The following GALNT15 variants were observed in gnomAD, a reference collection of about 807,000 sequenced individuals.
The protein encoded by GALNT15 is UDP-GalNAc transferase T15.
A neutral mutation model predicts 66.8 loss-of-function variants in GALNT15; 67 were observed. The observed-to-expected ratio is 1.00, with a 90% CI of 0.82 to 1.23. The LOEUF (loss-of-function observed/expected upper bound fraction) is 1.23. GALNT15 is among the 50% of genes most tolerant of loss of function. The pLI, the probability that GALNT15 is intolerant of heterozygous loss-of-function variation, is 0.00. For synonymous variants in GALNT15, 313 were observed against 311.5 expected, an observed-to-expected ratio of 1.00 and a Z score of -0.05; for missense variants, 827 against 804.3, an observed-to-expected ratio of 1.03 and a Z score of -0.34.
In GALNT15 at chr3:16,227,311, G is replaced by A. The variant is rs778805481; in HGVS notation, c.1774-43G>A. 6.9e-6 allele frequency: 11 copies of A among 1,590,268 alleles called. No individual in the cohort carries two copies. Among genetic ancestry groups the A allele is most frequent in the Admixed American group, 5.4e-5 (3 of 55,058 alleles). ...AAATATTTTCTTTTGCTGACTGATT[G>A]TGGGGGACTGGTTTTCTTTTCTTTT... On this transcript the variant is annotated intron_variant, in intron 9 of 9. Transcript: ENST00000339732. The surrounding 1 kb of genome is among the most constrained non-coding windows in gnomAD (Gnocchi z 4.5).
Position 16,195,917 on chromosome 3 carries a change from A to C in GALNT15, c.697A>C (p.Ser233Arg). The C allele has an allele frequency of 6.2e-7, 1 of 1,614,076 alleles. No individual in the cohort carries two copies. The highest frequency in any genetic ancestry group is 8.5e-7 in the Non-Finnish European group (1 of 1,179,982). The change falls in exon 2 of 10, where the codon AGC becomes CGC. Residue 233 changes from serine (S) to arginine (R), a missense_variant. Physicochemically the swap from Ser to Arg is moderately radical, Grantham distance 110. Transcript: ENST00000339732. This position sits in a 1 kb window ranked among gnomAD's most constrained non-coding sequence, Gnocchi z 4.6. Reference sequence around the variant, plus strand: ...GGAGATCATCCTCGTGGACGACCTCAGCCAGCAAGGTAGCCACGGCTTTCC... The same window carrying C: ...GGAGATCATCCTCGTGGACGACCTCCGCCAGCAAGGTAGCCACGGCTTTCC... Reference protein sequence around the residue: ...LKEIILVDDLSQQGQLKSALS... With the variant: ...LKEIILVDDLRQQGQLKSALS...
chr3:16,223,746 G>A (rs1162566537), intron 9 of GALNT15, among the ~76,000 whole-genome samples: 1 of 148,350 alleles, frequency 6.7e-6, no homozygotes, highest in Non-Finnish European at 1.5e-5. Context: ...AGGTTGGAGT[G>A]CAGTGGTGCG....
intron 3 of GALNT15, among the ~76,000 whole-genome samples, chr3:16,202,100 T>G (rs1404651121): frequency 6.6e-6 from 1 of 152,254 alleles, no homozygotes; most frequent in Non-Finnish European, 1.5e-5. Flanking sequence ...GAATGAATCC[T>G]GGAGACATAG....
rs2063386780 is a variant in GALNT15 at position 16,174,750 on chromosome 3, C to G, written c.-402C>G. On this transcript the variant is annotated 5_prime_UTR_variant, in exon 1 of 10. Coordinates refer to ENST00000339732, the MANE Select transcript of GALNT15 (RefSeq NM_054110.5). The surrounding 1 kb of genome is among the most constrained non-coding windows in gnomAD (Gnocchi z 4.7). The stretch of plus-strand genomic sequence containing the variant: ...CTGTCAGCCCTGCTTGACTGAGAAC[C>G]CACCAGCTCATCCCAGACACCTCAT... 1 of 193,950 alleles carries G rather than the reference C, an allele frequency of 5.2e-6. No individual in the cohort carries two copies. The highest frequency in any genetic ancestry group is 5.4e-5 in the Admixed American group (1 of 18,614). The allele number at this position is 193,950 out of a possible 1,614,324, so 12.0% of individuals were successfully genotyped here.
chr3:16,222,451 CA>C (rs2063952941), intron 8 of GALNT15, among the ~76,000 whole-genome samples, 163 bp from the exon 9 acceptor site: 1 of 152,228 alleles, frequency 6.6e-6, no homozygotes, highest in African/African-American at 2.4e-5. Flanking sequence ...ACTAGTCTAG[CA>C]GCATGTTTTT....
At chr3:16,214,375 C>T (rs1384186236) in intron 6 of GALNT15, among the ~76,000 whole-genome samples, 5 of 152,186 alleles carry the variant, frequency 3.3e-5, no homozygotes, top group Admixed American at 1.3e-4. Context: ...GTTATATGAT[C>T]CGAAAGTTAC....
At chr3:16,223,934 T>G (rs546544213) in intron 9 of GALNT15, among the ~76,000 whole-genome samples, 1 of 152,244 alleles carries the variant, frequency 6.6e-6, no homozygotes, top group East Asian at 1.9e-4. Flanking sequence ...CCTCGGGTGA[T>G]CCACCCACTC....
intron 8 of GALNT15, among the ~76,000 whole-genome samples, chr3:16,222,189 T>C (rs1400507598): frequency 6.6e-6 from 1 of 152,268 alleles, no homozygotes; most frequent in East Asian, 1.9e-4. Context: ...ACAATAACCA[T>C]GAGTGAGAGC....
chr3:16,239,273 G>A, the GALNT15 span, among the ~76,000 whole-genome samples: 3 of 152,182 alleles, frequency 2.0e-5, no homozygotes, highest in Admixed American at 2.0e-4. This position sits in a 1 kb window ranked among gnomAD's most constrained non-coding sequence, Gnocchi z 5.2. Context: ...AGCAAAGGCT[G>A]GGCACATTGC....
At chr3:16,222,837 T>G in intron 9 of GALNT15, 79 bp downstream of exon 9, 24 of 1,512,166 alleles carry the variant, frequency 1.6e-5, no homozygotes, top group African/African-American at 2.7e-5. Context: ...TCCTGGGCTC[T>G]TCCAAGAGGT....
the GALNT15 span, among the ~76,000 whole-genome samples, chr3:16,246,712 T>G: frequency 6.6e-6 from 1 of 152,162 alleles, no homozygotes; most frequent in Non-Finnish European, 1.5e-5. Context: ...AATAATAGAT[T>G]CTGCATATAT....
intron 6 of GALNT15, among the ~76,000 whole-genome samples, chr3:16,217,915 A>G (rs2124895815): frequency 6.6e-6 from 1 of 152,354 alleles, no homozygotes; most frequent in South Asian, 2.1e-4. Context: ...GGAAAAAGTA[A>G]TAGATCCCCT....
At chr3:16,218,557 G>T (rs140873315) in intron 6 of GALNT15, among the ~76,000 whole-genome samples, 325 of 152,236 alleles carry the variant, frequency 2.1e-3, no homozygotes, top group African/African-American at 7.6e-3. Context: ...CTCAAAAAAA[G>T]GAGATAGTGT....
chr3:16,192,644 A>G (rs2657596), intron 1 of GALNT15, among the ~76,000 whole-genome samples: 15,808 of 152,278 alleles, frequency 0.1, 1,160 homozygotes, highest in Non-Finnish European at 0.16. Context: ...AGGGCAGAGC[A>G]GAAATTCTCA....
At position 16,176,683 on chromosome 3, in the gene GALNT15, A is replaced by C. The variant is rs1003413399; in HGVS notation, c.539+993A>C. ...CATCCAGGGAGCAAGGCAGCTTGTT[A>C]GTTTTAGTTTGGTGATTTAGGTCCC... On this transcript the variant is annotated intron_variant, in intron 1 of 9. Transcript: ENST00000339732. The surrounding 1 kb of genome is among the most constrained non-coding windows in gnomAD (Gnocchi z 5.6). Among the ~76,000 whole-genome samples the C allele has an allele frequency of 2.0e-5, 3 of 152,174 alleles. No individual in the cohort carries two copies. The highest frequency in any genetic ancestry group is 7.2e-5 in the African/African-American group (3 of 41,426).
chr3:16,178,438 G>A (rs1396746688), intron 1 of GALNT15, among the ~76,000 whole-genome samples: 1 of 152,156 alleles, frequency 6.6e-6, no homozygotes, highest in East Asian at 1.9e-4. Flanking sequence ...GAAGGGAGAC[G>A]ATTGGATTCT....
In GALNT15 at chr3:16,188,302, G is replaced by A. The variant is rs1233562400; in HGVS notation, c.540-7458G>A. On this transcript the variant is annotated intron_variant, in intron 1 of 9. Transcript: ENST00000339732. This position sits in a 1 kb window ranked among gnomAD's most constrained non-coding sequence, Gnocchi z 4.6. The stretch of plus-strand genomic sequence containing the variant: ...GGAACTCAGTTGGCACAAAATGGCA[G>A]CCATAGGTCGTGTCCCATCACAGAC... Among the ~76,000 whole-genome samples, 1 of 152,272 alleles carries A rather than the reference G, an allele frequency of 6.6e-6. No homozygotes were observed. The highest frequency in any genetic ancestry group is 1.5e-5 in the Non-Finnish European group (1 of 68,054).
In GALNT15 at chr3:16,182,478, T is replaced by A. The variant is rs142567269; in HGVS notation, c.539+6788T>A. ...GCTCAAGTCACTTAAGGTGATGGAGTTACTGCAAGTTTACACAGGAAGTAA... is the reference window on the plus strand; with the variant it reads ...GCTCAAGTCACTTAAGGTGATGGAGATACTGCAAGTTTACACAGGAAGTAA... On this transcript the variant is annotated intron_variant, in intron 1 of 9. Transcript: ENST00000339732. This position sits in a 1 kb window ranked among gnomAD's most constrained non-coding sequence, Gnocchi z 6.1. 2.0e-3 allele frequency among the ~76,000 whole-genome samples: 306 copies of A among 152,202 alleles called. 1 individual carries two copies. The highest frequency in any genetic ancestry group is 6.9e-3 in the African/African-American group (286 of 41,516).
At chr3:16,221,109 T>A (rs2063937576) in intron 8 of GALNT15, among the ~76,000 whole-genome samples, 1 of 152,060 alleles carries the variant, frequency 6.6e-6, no homozygotes, top group Non-Finnish European at 1.5e-5. Flanking sequence ...CTTCTTTAAA[T>A]CCTGGTTTCC....
Sources: allele counts gnomAD v4.1 joint callset (sites outside exome capture counted in the v4.1 genomes callset), GRCh38; gene constraint gnomAD v4.1.1; non-coding constraint Gnocchi (gnomAD v3.1); transcripts MANE v1.5; gene names NCBI Gene and HGNC (gene_info 2026-07-23, HGNC 2026-07-21).